Variants in TRIM65 observed in about 807,000 individuals in gnomAD.
TRIM65 encodes the protein E3 ubiquitin-protein ligase TRIM65.
A neutral mutation model predicts 36.1 loss-of-function variants in TRIM65; 46 were observed. The ratio of observed to expected loss-of-function variants is 1.27; its 90% confidence interval spans 1.01 to 1.63. The LOEUF is 1.63. TRIM65 is among the 40% of genes most tolerant of loss of function. TRIM65 has a pLI of 0.00. For missense variants in TRIM65, 708 were observed against 696.6 expected, an observed-to-expected ratio of 1.02 and a Z score of -0.18; for synonymous variants, 346 against 313.6, an observed-to-expected ratio of 1.10 and a Z score of -1.09.
intron 4 of TRIM65, among the ~76,000 whole-genome samples, chr17:75,883,729 G>A (rs73354045): frequency 0.12 from 18,229 of 151,506 alleles, 1,236 homozygotes; most frequent in African/African-American, 0.17. Flanking sequence ...GGGTTTCACC[G>A]TGTTAGCCAG....
At position 75,896,882 on chromosome 17, in the gene TRIM65, T is replaced by TC; in HGVS notation, c.55_56insG (p.Tyr19Ter). The TC allele has an allele frequency of 2.0e-6, 3 of 1,528,714 alleles. No individual in the cohort carries two copies. The highest frequency in any genetic ancestry group is 2.6e-6 in the Non-Finnish European group (3 of 1,141,926). The allele number at this position is 1,528,714 out of a possible 1,614,324, so 94.7% of individuals were successfully genotyped here. A position where few individuals can be genotyped will look rare whatever the true frequency, so the allele number is the denominator to read the frequency against. ...KLTCAICLGL[Y>*]QDPVTLPCGH... ...GCAGGGCAGCGTCACTGGGTCCTGG[T>TC]AGAGCCCCAGGCAGATGGCGCAGGT... Residue 19 changes from tyrosine to a stop codon, truncating the protein, a stop_gained and frameshift_variant, in exon 1 of 6, where the codon TAC becomes TGAC. Transcript: ENST00000269383. LOFTEE classifies it high-confidence loss of function.
intron 1 of TRIM65, among the ~76,000 whole-genome samples, chr17:75,894,957 C>T (rs1308296426): frequency 6.6e-6 from 1 of 152,246 alleles, no homozygotes; most frequent in Non-Finnish European, 1.5e-5. Context: ...AGAGCTCCAG[C>T]AGCTGCCCGG....
chr17:75,896,644 G>A lies in TRIM65; in HGVS notation c.294C>T (p.His98=). The A allele has an allele frequency of 1.6e-6, 2 of 1,241,880 alleles. No individual in the cohort carries two copies. Among genetic ancestry groups the A allele is most frequent in the Non-Finnish European group, 1.0e-6 (1 of 996,840 alleles). 76.9% of individuals were successfully genotyped at this position (1,241,880 alleles called of 1,614,324 possible). A position where few individuals can be genotyped will look rare whatever the true frequency, so the allele number is the denominator to read the frequency against. Residue 98 remains histidine (H), a synonymous_variant, in exon 1 of 6, where the codon CAC becomes CAT. Coordinates refer to ENST00000269383, the MANE Select transcript of TRIM65 (RefSeq NM_173547.4). ...GPDPAARCPR[H]GRPLELFCRT... ...GGCAGAAGAGCTCCAGCGGCCGCCC[G>A]TGGCGGGGGCAGCGCGCGGCAGGGT...
rs542860520 is a variant in TRIM65, at chr17:75,896,434, G to T, written c.414+90C>A. On this transcript the variant is annotated intron_variant, in intron 1 of 5. Coordinates refer to ENST00000269383, the MANE Select transcript of TRIM65 (RefSeq NM_173547.4). ...GGCTCCCCGCCCCCGCCGGGTGCCC[G>T]AGAGAGCAGGGCGCGGCCCGCAGGA... is the stretch of plus-strand genomic sequence containing the variant. The T allele has an allele frequency of 3.4e-4, 417 of 1,224,550 alleles. 2 individuals carry two copies. The Middle Eastern group carries it at 6.1e-3, about 18-fold the overall frequency. 75.9% of individuals were successfully genotyped at this position (1,224,550 alleles called of 1,614,324 possible). A position where few individuals can be genotyped will look rare whatever the true frequency, so the allele number is the denominator to read the frequency against.
rs376853508 is a variant in TRIM65, at chr17:75,891,508, G to C, written c.986-161C>G. ...GCAGGCGGAATCCTCTATCAGCCCCGTTCACAGCTGAGAAAACTGGGGCTC... is the reference window on the plus strand; with the variant it reads ...GCAGGCGGAATCCTCTATCAGCCCCCTTCACAGCTGAGAAAACTGGGGCTC... On this transcript the variant is annotated intron_variant, in intron 5 of 5. Transcript: ENST00000269383. Among the ~76,000 whole-genome samples the C allele has an allele frequency of 4.8e-4, 73 of 152,300 alleles. No individual in the cohort carries two copies. In the South Asian group the frequency reaches 0.013, roughly 28 times the overall value.
At position 75,892,162 on chromosome 17, in the gene TRIM65, T is replaced by C; in HGVS notation, c.768A>G (p.Pro256=). Residue 256 remains proline (P), a synonymous_variant, in exon 4 of 6, where the codon CCA becomes CCG. Transcript: ENST00000269383. The part of the protein sequence containing the change: ...FLQESQLLQP[P]GPLGPLTPLQ... ...GAGGGGTCAGTGGCCCAAGAGGCCC[T>C]GGGGGCTGGAGGAGCTGCGATTCCT... The C allele has an allele frequency of 6.4e-7, 1 of 1,570,438 alleles. No individual in the cohort carries two copies. The highest frequency in any genetic ancestry group is 1.2e-5 in the South Asian group (1 of 85,772).
At position 75,892,859 on chromosome 17, in the gene TRIM65, C is replaced by A. The variant is rs373984857; in HGVS notation, c.415-9G>T. 1.8e-5 allele frequency: 28 copies of A among 1,599,906 alleles called. No individual in the cohort carries two copies. Among genetic ancestry groups the A allele is most frequent in the East Asian group, 1.3e-4 (6 of 44,886 alleles). ...CTGGCTCTCAGCTGGGCCTGTGGTGCGGGCCCACGGGACAAGCAACAAGAG... is the reference window on the plus strand; with the variant it reads ...CTGGCTCTCAGCTGGGCCTGTGGTGAGGGCCCACGGGACAAGCAACAAGAG... On this transcript the variant is annotated splice_polypyrimidine_tract_variant and intron_variant, in intron 1 of 5. Transcript: ENST00000269383.
At chr17:75,896,244 A>G (rs1174597768) in intron 1 of TRIM65, among the ~76,000 whole-genome samples, 1 of 152,066 alleles carries the variant, frequency 6.6e-6, no homozygotes, top group Non-Finnish European at 1.5e-5. Context: ...TTTAGTAGAG[A>G]CCGGGTTTCA....
chr17:75,881,863 GT>G (rs1468606124), intron 4 of TRIM65, among the ~76,000 whole-genome samples: 1 of 150,596 alleles, frequency 6.6e-6, no homozygotes, highest in Non-Finnish European at 1.5e-5. Flanking sequence ...CGGCCTGGGT[GT>G]GTCTGATTTG....
At chr17:75,893,788 G>A (rs1163979657) in intron 1 of TRIM65, among the ~76,000 whole-genome samples, 2 of 152,034 alleles carry the variant, frequency 1.3e-5, no homozygotes, top group African/African-American at 2.4e-5. Context: ...CTCCCCCAGG[G>A]ACAGGCACCC....
At chr17:75,893,651 G>A (rs535881992) in intron 1 of TRIM65, among the ~76,000 whole-genome samples, 1 of 152,250 alleles carries the variant, frequency 6.6e-6, no homozygotes, top group South Asian at 2.1e-4. Flanking sequence ...CGGGCTCAGA[G>A]AAGTTGATAA....
rs1551619 is a variant in TRIM65, at chr17:75,889,724, C to T, written c.*1055G>A. On this transcript the variant is annotated 3_prime_UTR_variant, in exon 6 of 6. Transcript: ENST00000269383. ...AAAAATCTTCAAGTGCTCATTGTTCCCTGAGTGACTCACTTGAGGTAACAG... is the reference window on the plus strand; with the variant it reads ...AAAAATCTTCAAGTGCTCATTGTTCTCTGAGTGACTCACTTGAGGTAACAG... 0.25 allele frequency: 38,110 copies of T among 152,030 alleles called. 5,130 individuals are homozygous for T. Among genetic ancestry groups the T allele is most frequent in the African/African-American group, 0.34 (14,205 of 41,414 alleles). 9.4% of individuals were successfully genotyped at this position (152,030 alleles called of 1,614,324 possible).
At chr17:75,894,637 C>A (rs1265478604) in intron 1 of TRIM65, among the ~76,000 whole-genome samples, 1 of 152,250 alleles carries the variant, frequency 6.6e-6, no homozygotes, top group African/African-American at 2.4e-5. Flanking sequence ...TCACGCCATT[C>A]TCCAGCCTCA....
chr17:75,896,425 CGGG>C, intron 1 of TRIM65, 96 bp downstream of exon 1: 1 of 1,221,220 alleles, frequency 8.2e-7, no homozygotes, highest in South Asian at 3.7e-5. Context: ...CCGCCCCCGC[CGGG>C]TGCCCGAGAG....
chr17:75,883,906 G>A (rs2065186880), intron 4 of TRIM65, among the ~76,000 whole-genome samples: 2 of 152,144 alleles, frequency 1.3e-5, no homozygotes, highest in Admixed American at 1.3e-4. Flanking sequence ...AACAGGCCAG[G>A]TGCGGTGGCT....
chr17:75,890,922 T>G lies in TRIM65; in HGVS notation c.1411A>C (p.Thr471Pro). ...GCATGGAAGGTGTACAGGGGCTGGG[T>G]CTGGGGCTCCAGGCTGTAGAAGGTG... is the stretch of plus-strand genomic sequence containing the variant. ...CLTFYSLEPQ[T>P]QPLYTFHALF... Residue 471 changes from threonine (T) to proline (P), a missense_variant, in exon 6 of 6, where the codon ACC becomes CCC. Transcript: ENST00000269383. The G allele has an allele frequency of 6.4e-7, 1 of 1,551,960 alleles. No homozygotes were observed.
intron 4 of TRIM65, among the ~76,000 whole-genome samples, chr17:75,881,920 G>A (rs1006845248): frequency 1.3e-5 from 2 of 150,452 alleles, no homozygotes; most frequent in African/African-American, 5.0e-5. Context: ...TCCACCAAGA[G>A]CACTAGAGCA....
At position 75,890,817 on chromosome 17, in the gene TRIM65, C is replaced by G. The variant is rs377113183; in HGVS notation, c.1516G>C (p.Val506Leu). 5.3e-6 allele frequency: 8 copies of G among 1,511,702 alleles called. No individual in the cohort carries two copies. Among genetic ancestry groups the G allele is most frequent in the African/African-American group, 2.8e-5 (2 of 70,686 alleles). The allele number at this position is 1,511,702 out of a possible 1,614,324, so 93.6% of individuals were successfully genotyped here. A position where few individuals can be genotyped will look rare whatever the true frequency, so the allele number is the denominator to read the frequency against. ...TLTLCHQPGA[V>L]FPLGPQEEVL... The stretch of plus-strand genomic sequence containing the variant: ...TCTTCCTGGGGCCCCAGAGGGAACA[C>G]AGCCCCTGGCTGATGGCACAGGGTC... Residue 506 changes from valine to leucine, a missense_variant, in exon 6 of 6, where the codon GTG becomes CTG. Transcript: ENST00000269383.
At chr17:75,881,098 A>T (rs2065165997) in intron 4 of TRIM65, among the ~76,000 whole-genome samples, 2 of 150,100 alleles carry the variant, frequency 1.3e-5, no homozygotes, top group South Asian at 4.1e-4. Flanking sequence ...ATACAAAAAA[A>T]TTAGCCGGGC....
Sources: allele counts gnomAD v4.1 joint callset (sites outside exome capture counted in the v4.1 genomes callset), GRCh38; gene constraint gnomAD v4.1.1; transcripts MANE v1.5; gene names NCBI Gene and HGNC (gene_info 2026-07-23, HGNC 2026-07-21).